The following GRM8 variants were observed in gnomAD, a reference collection of about 807,000 sequenced individuals.
GRM8 encodes metabotropic glutamate receptor 8.
GRM8 carries 47 observed loss-of-function variants against 87.2 expected under a neutral mutation model. That is an observed-to-expected ratio of 0.54 (90% CI 0.43 to 0.69). The LOEUF (loss-of-function observed/expected upper bound fraction) is 0.69, where lower values mean the gene tolerates loss of function less well. Among genes scored for constraint, GRM8 ranks in the 30% least tolerant of loss-of-function variants. The pLI, the probability that GRM8 is intolerant of heterozygous loss-of-function variation, is 0.00. For missense variants in GRM8, 1,019 were observed against 1,139.2 expected, an observed-to-expected ratio of 0.89 and a Z score of 1.52; for synonymous variants, 396 against 404.5, an observed-to-expected ratio of 0.98 and a Z score of 0.25.
intron 2 of GRM8, among the ~76,000 whole-genome samples, chr7:127,150,712 TTC>T (rs1828812529): frequency 6.6e-6 from 1 of 152,082 alleles, no homozygotes; most frequent in Non-Finnish European, 1.5e-5. Context: ...CCACTCCCAG[TTC>T]TGTCCTCAAC....
intron 7 of GRM8, among the ~76,000 whole-genome samples, chr7:126,674,359 G>C (rs1398575140): frequency 6.6e-6 from 1 of 152,080 alleles, no homozygotes; most frequent in Non-Finnish European, 1.5e-5. Context: ...AAATAAGAGG[G>C]TACATTGTCT....
intron 8 of GRM8, among the ~76,000 whole-genome samples, chr7:126,585,561 C>A (rs1025661359): frequency 1.3e-5 from 2 of 152,114 alleles, no homozygotes; most frequent in African/African-American, 4.8e-5. Context: ...CGCATATAAA[C>A]AGAATCAACA....
chr7:127,055,483 G>A (rs1413886021), intron 3 of GRM8, among the ~76,000 whole-genome samples: 1 of 152,160 alleles, frequency 6.6e-6, no homozygotes, highest in African/African-American at 2.4e-5. Flanking sequence ...AGGGAATTAA[G>A]TCACTAGTGG....
chr7:126,834,154 G>A (rs1175080975), intron 6 of GRM8, among the ~76,000 whole-genome samples: 1 of 152,194 alleles, frequency 6.6e-6, no homozygotes, highest in Non-Finnish European at 1.5e-5. Context: ...TAATATAGAT[G>A]TACTCAGTGT....
At chr7:127,237,511 A>C (rs1798045444) in intron 2 of GRM8, among the ~76,000 whole-genome samples, 1 of 152,248 alleles carries the variant, frequency 6.6e-6, no homozygotes, top group African/African-American at 2.4e-5. Context: ...ATCTTCATAA[A>C]CATAGCAGGG....
intron 6 of GRM8, among the ~76,000 whole-genome samples, chr7:126,788,420 A>AAAAAAAAAAAAAAACAAAAAAC: frequency 1.2e-5 from 1 of 81,124 alleles, no homozygotes; most frequent in East Asian, 3.7e-4. Context: ...AAAAAAAAAA[A>AAAAAAAAAAAAAAACAAAAAAC]AAACCCTTTC....
chr7:127,244,947 C>T (rs77750217), intron 1 of GRM8, among the ~76,000 whole-genome samples: 65 of 152,280 alleles, frequency 4.3e-4, no homozygotes, highest in South Asian at 2.1e-3. Context: ...TCCCTGCCTC[C>T]GGGCACACAT....
intron 6 of GRM8, among the ~76,000 whole-genome samples, chr7:126,807,166 A>T (rs1245214224): frequency 6.6e-6 from 1 of 152,208 alleles, no homozygotes; most frequent in East Asian, 1.9e-4. Context: ...GGCAGGTCTC[A>T]TGAGGTTAAG....
chr7:126,880,024 T>A (rs775973819), intron 6 of GRM8, among the ~76,000 whole-genome samples: 1 of 152,242 alleles, frequency 6.6e-6, no homozygotes, highest in Non-Finnish European at 1.5e-5. Context: ...ATGGTGAAGA[T>A]CTGTTTCAAA....
chr7:127,059,370 T>G (rs1820387280), intron 3 of GRM8, among the ~76,000 whole-genome samples: 1 of 149,824 alleles, frequency 6.7e-6, no homozygotes, highest in Non-Finnish European at 1.5e-5. Flanking sequence ...GGAGTCTTGC[T>G]CTGTCACCCA....
intron 3 of GRM8, among the ~76,000 whole-genome samples, chr7:127,072,132 T>C (rs1384362169): frequency 6.6e-6 from 1 of 152,032 alleles, no homozygotes; most frequent in Non-Finnish European, 1.5e-5. Flanking sequence ...GTGTAATATA[T>C]CGTGTTTCCT....
intron 9 of GRM8, among the ~76,000 whole-genome samples, chr7:126,517,971 G>T (rs1223463194): frequency 6.6e-6 from 1 of 152,026 alleles, no homozygotes; most frequent in Non-Finnish European, 1.5e-5. Flanking sequence ...ACTTTAAAGT[G>T]TTGGCTTTTT....
intron 7 of GRM8, among the ~76,000 whole-genome samples, chr7:126,612,332 A>C (rs1343301798): frequency 6.6e-6 from 1 of 152,042 alleles, no homozygotes; most frequent in Non-Finnish European, 1.5e-5. Flanking sequence ...CTATACCTAA[A>C]ATTCCGGTCC....
chr7:126,784,330 T>C (rs962488194), intron 6 of GRM8, among the ~76,000 whole-genome samples: 1 of 152,224 alleles, frequency 6.6e-6, no homozygotes, highest in Admixed American at 6.5e-5. Context: ...GAATTAAAAA[T>C]ATTTTCATCT....
At chr7:127,217,704 T>C (rs1440560481) in intron 2 of GRM8, among the ~76,000 whole-genome samples, 1 of 152,192 alleles carries the variant, frequency 6.6e-6, no homozygotes, top group East Asian at 1.9e-4. Flanking sequence ...TACTCCCGTG[T>C]TTGCTCCAGC....
chr7:126,673,664 T>G (rs896938975), intron 7 of GRM8, among the ~76,000 whole-genome samples: 2 of 152,230 alleles, frequency 1.3e-5, no homozygotes, highest in Non-Finnish European at 2.9e-5. Flanking sequence ...GCTTATCAAA[T>G]TCGTCATGGT....
At chr7:126,571,572 C>G (rs750755408) in intron 8 of GRM8, among the ~76,000 whole-genome samples, 1 of 152,004 alleles carries the variant, frequency 6.6e-6, no homozygotes, top group Non-Finnish European at 1.5e-5. Flanking sequence ...CTGGCCCTTC[C>G]CATAGGAACA....
chr7:127,207,068 A>C (rs1166341521), intron 2 of GRM8, among the ~76,000 whole-genome samples: 3 of 152,238 alleles, frequency 2.0e-5, no homozygotes, highest in Non-Finnish European at 4.4e-5. Flanking sequence ...TCTGGCTTAG[A>C]TATTTGAGAG....
chr7:126,724,794 T>A lies in GRM8; in HGVS notation c.1357+45071A>T, dbSNP rs76961941. On this transcript the variant is annotated intron_variant, in intron 7 of 10. Coordinates refer to ENST00000339582, the MANE Select transcript of GRM8 (RefSeq NM_000845.3). The stretch of plus-strand genomic sequence containing the variant: ...AAAAAATTGGGGGGCTTTGACTGTT[T>A]TAATACATCTCCTGTTATCTTCAAA... Among the ~76,000 whole-genome samples, 166 of 151,904 alleles carry A rather than the reference T, an allele frequency of 1.1e-3. 5 individuals are homozygous for A. In the East Asian group the frequency reaches 0.029, roughly 27 times the overall value.
Sources: allele counts gnomAD v4.1 joint callset (sites outside exome capture counted in the v4.1 genomes callset), GRCh38; gene constraint gnomAD v4.1.1; transcripts MANE v1.5; gene names NCBI Gene and HGNC (gene_info 2026-07-23, HGNC 2026-07-21).